Variants in DUS2 observed in about 807,000 individuals in gnomAD.
The protein encoded by DUS2 is tRNA-dihydrouridine(20) synthase [NAD(P)+]-like.
Under a neutral mutation model 71.3 loss-of-function variants are expected in DUS2, and 52 were observed. The ratio of observed to expected loss-of-function variants is 0.73; its 90% CI spans 0.58 to 0.92. The LOEUF (loss-of-function observed/expected upper bound fraction) is 0.92. Ranked by LOEUF, DUS2 falls within the 40% of genes least tolerant of loss-of-function variation. The pLI, the probability that DUS2 is intolerant of heterozygous loss-of-function variation, is 0.00. For synonymous variants in DUS2, 204 were observed against 227.8 expected (o/e 0.90, Z 0.94); for missense variants, 558 against 622.6 (o/e 0.90, Z 1.10).
chr16:68,040,432 G>C (rs2033605813), intron 3 of DUS2, among the ~76,000 whole-genome samples: 1 of 152,126 alleles, frequency 6.6e-6, no homozygotes, highest in South Asian at 2.1e-4. Flanking sequence ...CGATTTATGT[G>C]ATTACTTCAG....
chr16:68,033,126 A>G (rs1405927483), intron 2 of DUS2, among the ~76,000 whole-genome samples: 1 of 152,138 alleles, frequency 6.6e-6, no homozygotes, highest in Non-Finnish European at 1.5e-5. Context: ...TTGCCTTTTT[A>G]GGATCCCATG....
chr16:68,048,343 A>G (rs1377672916), intron 3 of DUS2, among the ~76,000 whole-genome samples: 1 of 152,172 alleles, frequency 6.6e-6, no homozygotes, highest in Non-Finnish European at 1.5e-5. Flanking sequence ...CAGGCCATTC[A>G]GTGCTTCCTA....
intron 2 of DUS2, among the ~76,000 whole-genome samples, chr16:68,035,217 GC>G (rs2033499488): frequency 6.6e-6 from 1 of 151,972 alleles, no homozygotes; most frequent in African/African-American, 2.4e-5. Flanking sequence ...CTGCATCTGT[GC>G]CCCCGGATAG....
intron 1 of DUS2, among the ~76,000 whole-genome samples, chr16:68,025,024 G>A (rs1416391080): frequency 2.0e-5 from 3 of 151,896 alleles, no homozygotes; most frequent in Non-Finnish European, 2.9e-5. Flanking sequence ...TAGAGACAGG[G>A]TTTCACTACG....
rs569764145 is a variant in DUS2, at chr16:68,023,852, G to A, written c.-99+501G>A. ...GTTATTTTCCTTCCTTTTAAGCCAA[G>A]GTTCACTCTCTACTCCCTCGTCACG... On this transcript the variant is annotated intron_variant, in intron 1 of 16. Transcript: ENST00000565263. 3.6e-5 allele frequency: 6 copies of A among 167,138 alleles called. No individual in the cohort carries two copies. The South Asian group carries it at 8.3e-4, about 23-fold the overall frequency. The allele number at this position is 167,138 out of a possible 1,614,324, so 10.4% of individuals were successfully genotyped here.
In DUS2 at chr16:68,023,334, TA is replaced by T; in HGVS notation, c.-114del. The T allele has an allele frequency of 8.7e-7, 1 of 1,147,952 alleles. No homozygotes were observed. The allele number at this position is 1,147,952 out of a possible 1,614,324, so 71.1% of individuals were successfully genotyped here. A position where few individuals can be genotyped will look rare whatever the true frequency, so the allele number is the denominator to read the frequency against. On this transcript the variant is annotated 5_prime_UTR_variant, in exon 1 of 17. Coordinates refer to ENST00000565263, the MANE Select transcript of DUS2 (RefSeq NM_017803.5). ...CGTGAGGAAGAAGCGAGGTTCTTTTTAAGAGTTCAGCTGCGAGGTCTGTAGC... is the reference window on the plus strand; with the variant it reads ...CGTGAGGAAGAAGCGAGGTTCTTTTTAGAGTTCAGCTGCGAGGTCTGTAGC...
chr16:68,037,860 C>T (rs972195720), intron 2 of DUS2, 146 bp from the exon 3 acceptor site: 23 of 836,340 alleles, frequency 2.8e-5, no homozygotes, highest in Non-Finnish European at 3.9e-5. Flanking sequence ...GTCTCAAAAA[C>T]AAAAACAATC....
intron 3 of DUS2, 39 bp from the exon 4 acceptor site, chr16:68,049,466 A>C: frequency 1.2e-6 from 2 of 1,610,034 alleles, no homozygotes; most frequent in Non-Finnish European, 1.7e-6. Context: ...CAGAGCCTAC[A>C]TGTTCAGGAA....
chr16:68,049,084 C>G (rs2033742876), intron 3 of DUS2, among the ~76,000 whole-genome samples: 1 of 152,148 alleles, frequency 6.6e-6, no homozygotes, highest in Non-Finnish European at 1.5e-5. Context: ...TGCTTCTATT[C>G]TCTGGTTCCA....
intron 2 of DUS2, among the ~76,000 whole-genome samples, chr16:68,031,439 A>G (rs967504768): frequency 1.3e-5 from 2 of 152,208 alleles, no homozygotes; most frequent in African/African-American, 4.8e-5. Context: ...CTAGGATTAC[A>G]GGCATGAGCC....
intron 3 of DUS2, among the ~76,000 whole-genome samples, chr16:68,040,796 A>G (rs1339575203): frequency 6.8e-6 from 1 of 147,116 alleles, no homozygotes; most frequent in Non-Finnish European, 1.5e-5. Context: ...GCTTTGGAGT[A>G]CCAGTTGCGT....
chr16:68,076,186 A>G (rs1403515524), intron 14 of DUS2, among the ~76,000 whole-genome samples: 2 of 152,102 alleles, frequency 1.3e-5, no homozygotes, highest in Admixed American at 6.5e-5. Flanking sequence ...CCAAGTGTCC[A>G]TGGCTGCAGC....
chr16:68,023,326 G>T lies in DUS2; in HGVS notation c.-124G>T. ...TGGAGCACCGTGAGGAAGAAGCGAG[G>T]TTCTTTTTAAGAGTTCAGCTGCGAG... On this transcript the variant is annotated 5_prime_UTR_variant, in exon 1 of 17. Transcript: ENST00000565263. 8.2e-7 allele frequency: 1 copy of T among 1,217,150 alleles called. No homozygotes were observed. The allele number at this position is 1,217,150 out of a possible 1,614,324, so 75.4% of individuals were successfully genotyped here.
At chr16:68,052,980 C>T (rs1422766533) in intron 4 of DUS2, among the ~76,000 whole-genome samples, 4 of 105,588 alleles carry the variant, frequency 3.8e-5, no homozygotes, top group East Asian at 2.5e-4. Context: ...TTTTTTTTTT[C>T]GAGACGGAGT....
intron 4 of DUS2, 87 bp from the exon 5 acceptor site, chr16:68,053,477 C>G (rs2033808769): frequency 1.6e-6 from 2 of 1,266,288 alleles, no homozygotes; most frequent in Non-Finnish European, 2.3e-6. Flanking sequence ...GAAGCTTATA[C>G]TCTGGCTGTG....
intron 3 of DUS2, among the ~76,000 whole-genome samples, chr16:68,038,862 A>C (rs1237154322): frequency 6.6e-6 from 1 of 151,690 alleles, no homozygotes; most frequent in Non-Finnish European, 1.5e-5. Context: ...CAGCCTGGGC[A>C]ATATAGTGAG....
chr16:68,042,646 A>G (rs2033647520), intron 3 of DUS2, among the ~76,000 whole-genome samples: 1 of 152,114 alleles, frequency 6.6e-6, no homozygotes, highest in Admixed American at 6.6e-5. Flanking sequence ...AGTAGCTGGG[A>G]CTACAGGCTT....
At chr16:68,070,622 C>T (rs2034070685) in intron 11 of DUS2, among the ~76,000 whole-genome samples, 1 of 152,154 alleles carries the variant, frequency 6.6e-6, no homozygotes, top group Non-Finnish European at 1.5e-5. Flanking sequence ...TTTCCTGTAG[C>T]CCCAGTAGCC....
At chr16:68,074,289 A>G (rs1044531719) in intron 13 of DUS2, 134 bp downstream of exon 13, 1 of 1,198,774 alleles carries the variant, frequency 8.3e-7, no homozygotes, top group Non-Finnish European at 1.2e-6. Context: ...GAGTGATGGT[A>G]CAGCTTTGCC....
Sources: gnomAD v4.1 joint callset for allele counts (sites outside exome capture counted in the v4.1 genomes callset) on GRCh38, gnomAD v4.1.1 for gene constraint, MANE v1.5 for transcripts, NCBI Gene and HGNC (gene_info 2026-07-23, HGNC 2026-07-21) for gene names.